The following GABRG3 variants were observed in gnomAD, a reference collection of about 807,000 sequenced individuals.
GABRG3 encodes the protein gamma-aminobutyric acid receptor subunit gamma-3.
In GABRG3, 25 loss-of-function variants were observed where a neutral mutation model predicts 48.8. The ratio of observed to expected loss-of-function variants is 0.51; its 90% CI spans 0.37 to 0.72. The LOEUF is 0.72. GABRG3 is among the 30% of genes least tolerant of loss of function. The probability of loss-of-function intolerance (pLI) is 0.00; values close to 1 mark genes in which losing one functional copy is unlikely to be tolerated. For synonymous variants in GABRG3, 227 were observed against 217.6 expected (o/e 1.04, Z -0.38); for missense variants, 394 against 577.9 (o/e 0.68, Z 3.26).
At chr15:27,005,246 G>A (rs1377402979) in intron 2 of GABRG3, among the ~76,000 whole-genome samples, 1 of 151,554 alleles carries the variant, frequency 6.6e-6, no homozygotes, top group Non-Finnish European at 1.5e-5. Flanking sequence ...CTGTCGCCAG[G>A]CTGGAGTGCG....
At chr15:27,386,334 A>G (rs573749263) in intron 5 of GABRG3, among the ~76,000 whole-genome samples, 30 of 152,290 alleles carry the variant, frequency 2.0e-4, no homozygotes, top group African/African-American at 6.3e-4. Context: ...TTTAGTTCCA[A>G]CGGCCCTCTC....
Position 27,537,813 on chromosome 15 carries a change from ATTATTTATTTATTTATTTAT to A in GABRG3, c.*4955_*4974del, listed in dbSNP as rs201204761. ...GCAGACTTTCTTTATATTTATTTTT[ATTATTTATTTATTTATTTAT>A]TTATTTATTTATTTATTTATTTTGA... On this transcript the variant is annotated 3_prime_UTR_variant, in exon 10 of 10. Coordinates refer to ENST00000615808, the MANE Select transcript of GABRG3 (RefSeq NM_033223.5). 3 of 147,822 alleles carry A rather than the reference ATTATTTATTTATTTATTTAT, an allele frequency of 2.0e-5. No individual in the cohort carries two copies. Among genetic ancestry groups the A allele is most frequent in the East Asian group, 2.0e-4 (1 of 5,070 alleles). The allele number at this position is 147,822 out of a possible 1,614,324, so 9.2% of individuals were successfully genotyped here.
intron 5 of GABRG3, among the ~76,000 whole-genome samples, chr15:27,480,110 A>G (rs1345282672): frequency 1.3e-5 from 2 of 152,224 alleles, no homozygotes; most frequent in African/African-American, 2.4e-5. Context: ...ATAATTAACC[A>G]CATGAGAAGG....
intron 7 of GABRG3, 43 bp from the exon 8 acceptor site, chr15:27,527,390 C>T (rs202145457): frequency 3.2e-6 from 5 of 1,572,940 alleles, no homozygotes; most frequent in South Asian, 2.3e-5. Context: ...ATTCCTGTTG[C>T]GTGTTGCACC....
At chr15:27,361,537 A>G (rs932515465) in intron 5 of GABRG3, among the ~76,000 whole-genome samples, 1 of 152,180 alleles carries the variant, frequency 6.6e-6, no homozygotes. Flanking sequence ...CAACCACCAG[A>G]GGAGTAAGAT....
chr15:27,321,655 A>G (rs942997063), intron 3 of GABRG3, among the ~76,000 whole-genome samples: 2 of 152,222 alleles, frequency 1.3e-5, no homozygotes, highest in African/African-American at 4.8e-5. Flanking sequence ...ATCTAACTCA[A>G]GCTAACGAGC....
chr15:27,262,485 G>C (rs1890796998), intron 3 of GABRG3, among the ~76,000 whole-genome samples: 1 of 152,230 alleles, frequency 6.6e-6, no homozygotes, highest in African/African-American at 2.4e-5. Context: ...CAGCGTCAGA[G>C]GTTGATACCT....
intron 2 of GABRG3, among the ~76,000 whole-genome samples, chr15:27,019,718 G>C (rs114910361): frequency 2.2e-4 from 33 of 152,236 alleles, no homozygotes; most frequent in African/African-American, 7.9e-4. Context: ...GAAAGGGACA[G>C]ATGAGCCCCC....
intron 3 of GABRG3, among the ~76,000 whole-genome samples, chr15:27,191,427 A>G (rs1008368582): frequency 1.3e-5 from 2 of 152,116 alleles, no homozygotes; most frequent in Non-Finnish European, 2.9e-5. Context: ...GTGCATATAT[A>G]TTTAGGATAG....
At chr15:27,343,100 G>A (rs971860771) in intron 5 of GABRG3, among the ~76,000 whole-genome samples, 2 of 152,098 alleles carry the variant, frequency 1.3e-5, no homozygotes, top group African/African-American at 2.4e-5. Context: ...CCTGCCCTTC[G>A]CGGTGGCTCA....
intron 2 of GABRG3, among the ~76,000 whole-genome samples, chr15:26,985,579 G>A (rs1895135815): frequency 6.6e-6 from 1 of 152,124 alleles, no homozygotes; most frequent in South Asian, 2.1e-4. Context: ...TGGAAGCTGA[G>A]GGAGCACTGG....
intron 6 of GABRG3, among the ~76,000 whole-genome samples, chr15:27,492,383 T>C (rs1057095177): frequency 6.6e-6 from 1 of 152,204 alleles, no homozygotes; most frequent in Non-Finnish European, 1.5e-5. Context: ...CTGAAGATGA[T>C]GTGAAGTTAA....
At chr15:27,089,747 G>A (rs1439584974) in intron 3 of GABRG3, among the ~76,000 whole-genome samples, 1 of 152,212 alleles carries the variant, frequency 6.6e-6, no homozygotes, top group East Asian at 1.9e-4. Flanking sequence ...TTCTGCCTCT[G>A]TGCATTTGTT....
At chr15:27,020,507 G>A (rs1052592362) in intron 2 of GABRG3, among the ~76,000 whole-genome samples, 7 of 152,252 alleles carry the variant, frequency 4.6e-5, no homozygotes, top group African/African-American at 1.7e-4. Context: ...CGCCTCCTGG[G>A]TTCACGCCAT....
At chr15:27,150,733 T>G (rs1292786328) in intron 3 of GABRG3, among the ~76,000 whole-genome samples, 1 of 152,240 alleles carries the variant, frequency 6.6e-6, no homozygotes, top group Non-Finnish European at 1.5e-5. Flanking sequence ...AACTCGTTAC[T>G]GGCAGAGTGC....
intron 3 of GABRG3, among the ~76,000 whole-genome samples, chr15:27,087,064 C>T (rs901615493): frequency 1.3e-5 from 2 of 152,228 alleles, no homozygotes; most frequent in Non-Finnish European, 2.9e-5. Flanking sequence ...ACAGGTTGCA[C>T]GGGGCCAGCC....
At chr15:27,014,378 C>T (rs1465133406) in intron 2 of GABRG3, among the ~76,000 whole-genome samples, 2 of 148,388 alleles carry the variant, frequency 1.3e-5, no homozygotes, top group East Asian at 3.9e-4. Context: ...AGGGTGTAAA[C>T]TTAGATTGTT....
intron 3 of GABRG3, among the ~76,000 whole-genome samples, chr15:27,210,940 A>G (rs1395442576): frequency 6.6e-6 from 1 of 152,244 alleles, no homozygotes; most frequent in Non-Finnish European, 1.5e-5. Context: ...TACACAATTA[A>G]GGTGTCTCCT....
chr15:27,109,634 G>A (rs1472095718), intron 3 of GABRG3, among the ~76,000 whole-genome samples: 1 of 152,218 alleles, frequency 6.6e-6, no homozygotes, highest in Non-Finnish European at 1.5e-5. Context: ...TATAATCCCA[G>A]CATTTTGGGA....
Sources: gnomAD v4.1 joint callset for allele counts (sites outside exome capture counted in the v4.1 genomes callset) on GRCh38, gnomAD v4.1.1 for gene constraint, MANE v1.5 for transcripts, NCBI Gene and HGNC (gene_info 2026-07-23, HGNC 2026-07-21) for gene names.